Variants in EFCAB8 observed in about 807,000 individuals in gnomAD.
The protein encoded by EFCAB8 is EF-hand calcium binding domain 8, also known as EF-hand calcium-binding domain-containing protein 8.
A neutral mutation model predicts 116.3 loss-of-function variants in EFCAB8; 100 were observed. The ratio of observed to expected loss-of-function variants is 0.86; its 90% CI spans 0.73 to 1.02. EFCAB8 has a LOEUF of 1.02. EFCAB8 is among the 50% of genes least tolerant of loss of function. The probability of loss-of-function intolerance (pLI) is 0.00; values close to 1 mark genes in which losing one functional copy is unlikely to be tolerated. For synonymous variants in EFCAB8, 558 were observed against 567.9 expected (o/e 0.98, Z 0.25); for missense variants, 1,320 against 1,416.9 (o/e 0.93, Z 1.10).
At chr20:32,911,458 C>G (rs942133293) in intron 15 of EFCAB8, 22 bp from the exon 16 acceptor site, 1 of 1,456,510 alleles carries the variant, frequency 6.9e-7, no homozygotes. Context: ...TCCAGCAGCC[C>G]CCAGCTGTGT....
At chr20:32,939,989 C>A (rs987705515) in intron 22 of EFCAB8, among the ~76,000 whole-genome samples, 2 of 94,938 alleles carry the variant, frequency 2.1e-5, no homozygotes, top group Non-Finnish European at 4.8e-5. Flanking sequence ...GCCACTGTGC[C>A]TGCCTGCCTG....
intron 22 of EFCAB8, among the ~76,000 whole-genome samples, chr20:32,932,491 A>G (rs376299412): frequency 1.6e-4 from 24 of 152,344 alleles, no homozygotes; most frequent in African/African-American, 5.3e-4. Flanking sequence ...CGAAGAGTCT[A>G]AGTCCCATTC....
intron 17 of EFCAB8, among the ~76,000 whole-genome samples, chr20:32,916,081 A>G (rs1987172110): frequency 6.6e-6 from 1 of 152,214 alleles, no homozygotes; most frequent in African/African-American, 2.4e-5. Flanking sequence ...GTTATAACAG[A>G]ATACCATAGA....
chr20:32,932,412 G>T (rs983703996), intron 22 of EFCAB8, among the ~76,000 whole-genome samples: 1 of 151,974 alleles, frequency 6.6e-6, no homozygotes, highest in Non-Finnish European at 1.5e-5. Flanking sequence ...ACTTATATAC[G>T]ATTTTCTATG....
rs1162669938 is a variant in EFCAB8 at position 32,911,647 on chromosome 20, G to C, written c.1725G>C (p.Lys575Asn). The C allele has an allele frequency of 6.4e-7, 1 of 1,551,746 alleles. No individual in the cohort carries two copies. The highest frequency in any genetic ancestry group is 2.0e-5 in the Admixed American group (1 of 51,008). Reference protein sequence around the residue: ...LLTGLRDGTMKMWNYNIGKCL... With the variant: ...LLTGLRDGTMNMWNYNIGKCL... The stretch of plus-strand genomic sequence containing the variant: ...CAGGTTTGCGGGATGGCACAATGAA[G>C]ATGTGGAACTACAACATTGGCAAAT... The change falls in exon 16 of 27, where the codon AAG (lysine) becomes AAC (asparagine). Residue 575 changes from lysine (K) to asparagine (N), a missense_variant. Coordinates refer to ENST00000400522, the MANE Select transcript of EFCAB8 (RefSeq NM_001143967.2).
At chr20:32,896,631 A>C (rs1298531286) in intron 10 of EFCAB8, 104 bp downstream of exon 10, 1 of 670,182 alleles carries the variant, frequency 1.5e-6, no homozygotes, top group Non-Finnish European at 2.7e-6. Context: ...GTTCAGTCTT[A>C]GCCCTTGGGG....
At chr20:32,898,939 C>T (rs1986294105) in intron 11 of EFCAB8, among the ~76,000 whole-genome samples, 1 of 152,192 alleles carries the variant, frequency 6.6e-6, no homozygotes, top group Non-Finnish European at 1.5e-5. Context: ...GGTGTGAAAG[C>T]ACGTACCTCA....
chr20:32,875,882 G>A, intron 3 of EFCAB8, 44 bp from the exon 4 acceptor site: 1 of 1,524,544 alleles, frequency 6.6e-7, no homozygotes, highest in Non-Finnish European at 8.9e-7. Context: ...TGGGCCGAGG[G>A]ACTTGTGAGG....
rs537982941 is a variant in EFCAB8, at chr20:32,865,221, G to A, written c.42+1387G>A. On this transcript the variant is annotated intron_variant, in intron 2 of 26. Transcript: ENST00000400522. ...GTGATGACTGTCATCTGAAAGTTAT[G>A]GAAGAGCTCCTTGGGGGAGGTTCCA... 5.3e-5 allele frequency among the ~76,000 whole-genome samples: 8 copies of A among 152,274 alleles called. No homozygotes were observed. The South Asian group carries it at 1.7e-3, about 32-fold the overall frequency.
At chr20:32,915,752 G>T (rs549479364) in intron 17 of EFCAB8, among the ~76,000 whole-genome samples, 1 of 151,452 alleles carries the variant, frequency 6.6e-6, no homozygotes, top group Non-Finnish European at 1.5e-5. Flanking sequence ...GCTCACTGCA[G>T]CCTCCGCGTC....
chr20:32,923,214 G>A (rs1987533414), intron 20 of EFCAB8, among the ~76,000 whole-genome samples: 2 of 151,034 alleles, frequency 1.3e-5, no homozygotes, highest in Admixed American at 6.6e-5. Context: ...GGCCCAGTGC[G>A]ATGGCTCACA....
intron 6 of EFCAB8, among the ~76,000 whole-genome samples, chr20:32,887,758 G>T (rs1422309137): frequency 6.6e-6 from 1 of 152,206 alleles, no homozygotes. Flanking sequence ...TTCTGTCTGT[G>T]CACATGCTAC....
intron 20 of EFCAB8, among the ~76,000 whole-genome samples, chr20:32,925,827 T>C (rs1987648009): frequency 6.6e-6 from 1 of 152,248 alleles, no homozygotes; most frequent in African/African-American, 2.4e-5. Context: ...GTGGTTGAGA[T>C]ACTATCTGGG....
chr20:32,868,839 G>T (rs1040827142), intron 3 of EFCAB8, among the ~76,000 whole-genome samples: 5 of 152,156 alleles, frequency 3.3e-5, no homozygotes, highest in African/African-American at 1.2e-4. Flanking sequence ...ACAAAAATTA[G>T]CTGGGCGTGG....
At chr20:32,941,845 A>C (rs1048825755) in intron 22 of EFCAB8, among the ~76,000 whole-genome samples, 6 of 152,200 alleles carry the variant, frequency 3.9e-5, no homozygotes, top group African/African-American at 1.4e-4. Flanking sequence ...AAATTGGTAA[A>C]TTTTTATGTG....
chr20:32,901,899 G>A (rs1034475526), intron 11 of EFCAB8, among the ~76,000 whole-genome samples: 17 of 152,172 alleles, frequency 1.1e-4, no homozygotes, highest in Non-Finnish European at 1.5e-5. Context: ...TGTTGGCCAG[G>A]ATGGTCTTCA....
At chr20:32,941,691 T>C in intron 22 of EFCAB8, among the ~76,000 whole-genome samples, 1 of 152,182 alleles carries the variant, frequency 6.6e-6, no homozygotes, top group Non-Finnish European at 1.5e-5. Context: ...AGTGGTTTCC[T>C]GAGGCTGGGG....
rs920142583 is a variant in EFCAB8 at position 32,875,940 on chromosome 20, G to A, written c.223G>A (p.Ala75Thr). The A allele has an allele frequency of 7.7e-6, 12 of 1,551,682 alleles. No individual in the cohort carries two copies. The highest frequency in any genetic ancestry group is 2.4e-5 in the South Asian group (2 of 84,054). ...TCTCTTTGAAGCCCTGGGCATGGAC[G>A]CCTTCATCAAGGCCATGAAGAAGGT... is the stretch of plus-strand genomic sequence containing the variant. ...INSTGALGMD[A>T]FIKAMKKVLS... The change falls in exon 4 of 27, where the codon GCC (alanine) becomes ACC (threonine). Residue 75 changes from alanine to threonine, a missense_variant. Transcript: ENST00000400522.
At chr20:32,915,240 A>C (rs1600419939) in intron 17 of EFCAB8, among the ~76,000 whole-genome samples, 1 of 152,166 alleles carries the variant, frequency 6.6e-6, no homozygotes, top group East Asian at 1.9e-4. Flanking sequence ...TCTTTAAACC[A>C]TTTGTCTCTT....
Sources: gnomAD v4.1 joint callset for allele counts (sites outside exome capture counted in the v4.1 genomes callset) on GRCh38, gnomAD v4.1.1 for gene constraint, MANE v1.5 for transcripts, NCBI Gene and HGNC (gene_info 2026-07-23, HGNC 2026-07-21) for gene names.